The following EP400 variants were observed in gnomAD, a reference collection of about 807,000 sequenced individuals.
EP400 encodes the protein E1A-binding protein p400.
Under a neutral mutation model 354.1 loss-of-function variants are expected in EP400, and 105 were observed. The observed-to-expected ratio is 0.30, with a 90% CI of 0.25 to 0.35. EP400 has a LOEUF of 0.35. Ranked by LOEUF, EP400 falls within the 10% of genes least tolerant of loss-of-function variation. The probability of loss-of-function intolerance (pLI) is 1.00; values close to 1 mark genes in which losing one functional copy is unlikely to be tolerated. For synonymous variants in EP400, 1,646 were observed against 1,716.9 expected (o/e 0.96, Z 1.02); for missense variants, 3,280 against 4,121.0 (o/e 0.80, Z 5.59).
chr12:132,074,744 A>C (rs369428797), intron 51 of EP400, among the ~76,000 whole-genome samples: 1 of 152,192 alleles, frequency 6.6e-6, no homozygotes, highest in African/African-American at 2.4e-5. Flanking sequence ...TGGTTAAGTC[A>C]AATCTGCTTC....
chr12:132,003,987 A>C (rs1452155845), intron 12 of EP400, among the ~76,000 whole-genome samples: 1 of 152,230 alleles, frequency 6.6e-6, no homozygotes, highest in Non-Finnish European at 1.5e-5. Context: ...ACATATCACA[A>C]GTACACAGCC....
At chr12:131,984,620 G>C (rs1332833008) in intron 5 of EP400, among the ~76,000 whole-genome samples, 1 of 152,160 alleles carries the variant, frequency 6.6e-6, no homozygotes, top group East Asian at 1.9e-4. Context: ...ACTTAAAGCA[G>C]CTCCGTGGTT....
At chr12:132,031,111 T>TTAG in intron 29 of EP400, 1 of 429,684 alleles carries the variant, frequency 2.3e-6, no homozygotes, top group African/African-American at 2.0e-5. Flanking sequence ...TGGTCAGTGA[T>TTAG]TAGGTTTCGT....
At chr12:131,959,155 A>C (rs1464326418) in intron 1 of EP400, among the ~76,000 whole-genome samples, 13 of 152,226 alleles carry the variant, frequency 8.5e-5, no homozygotes, top group Admixed American at 7.2e-4. Flanking sequence ...CCAAGAGTCC[A>C]TCTGCTTCCC....
Position 132,067,409 on chromosome 12 carries a change from C to T in EP400, c.8797C>T (p.Leu2933=). Residue 2933 remains leucine, a synonymous_variant, in exon 50 of 53, where the codon CTG becomes TTG. Coordinates refer to ENST00000389561, the MANE Select transcript of EP400 (RefSeq NM_015409.5). This position sits in a 1 kb window ranked among gnomAD's most constrained non-coding sequence, Gnocchi z 5.3. ...QPVHMQQLLK[L]KQQAVQQQKA... ...CGTGCACATGCAGCAGCTGCTGAAG[C>T]TGAAGCAGCAGGCCGTCCAGCAGCA... 1 of 1,613,568 alleles carries T rather than the reference C, an allele frequency of 6.2e-7. No individual in the cohort carries two copies.
chr12:132,014,220 C>T (rs1893851414), intron 19 of EP400, among the ~76,000 whole-genome samples: 1 of 152,204 alleles, frequency 6.6e-6, no homozygotes, highest in African/African-American at 2.4e-5. Flanking sequence ...TTTTAGTTTC[C>T]ATTCATCCGG....
rs185763449 is a variant in EP400 at position 131,974,499 on chromosome 12, C to T, written c.1336-5195C>T. ...CAACTACTATTGGTCTTAATTTCTA[C>T]CTTCAGAATACCATCAATCTGTCCT... On this transcript the variant is annotated intron_variant, in intron 2 of 52. Coordinates refer to ENST00000389561, the MANE Select transcript of EP400 (RefSeq NM_015409.5). 1.8e-3 allele frequency among the ~76,000 whole-genome samples: 276 copies of T among 152,206 alleles called. 2 individuals carry two copies. The highest frequency in any genetic ancestry group is 3.3e-3 in the Non-Finnish European group (225 of 68,010).
chr12:132,055,000 T>G lies in EP400; in HGVS notation c.7755T>G (p.Thr2585=), dbSNP rs115940508. 4,295 of 1,613,988 alleles carry G rather than the reference T, an allele frequency of 2.7e-3. 86 individuals are homozygous for G. In the African/African-American group the frequency reaches 0.048, roughly 18 times the overall value. ...CAGGAACCATTAAAACATCAGTTAC[T>G]GGGACGAGCATGCCCACTGGTAAGA... The part of the protein sequence containing the change: ...VLAGTIKTSV[T]GTSMPTGAVS... Residue 2585 remains threonine (T), a synonymous_variant, in exon 44 of 53, where the codon ACT becomes ACG. Transcript: ENST00000389561. This position sits in a 1 kb window ranked among gnomAD's most constrained non-coding sequence, Gnocchi z 4.0.
chr12:132,036,644 A>G (rs1593364429), intron 30 of EP400, among the ~76,000 whole-genome samples: 1 of 152,276 alleles, frequency 6.6e-6, no homozygotes, highest in Admixed American at 6.5e-5. Context: ...GTGGGTGGAA[A>G]TGCCATCCCC....
chr12:132,023,299 A>ATT (rs767816284), intron 23 of EP400, among the ~76,000 whole-genome samples: 2,156 of 70,914 alleles, frequency 0.03, 331 homozygotes, highest in African/African-American at 0.11. Context: ...TGCCCAGCTA[A>ATT]TTTTTTTTTT....
Position 132,013,414 on chromosome 12 carries a change from C to T in EP400, c.3612-76C>T, listed in dbSNP as rs1480960001. On this transcript the variant is annotated intron_variant, in intron 17 of 52. Transcript: ENST00000389561. This position sits in a 1 kb window ranked among gnomAD's most constrained non-coding sequence, Gnocchi z 4.5. The stretch of plus-strand genomic sequence containing the variant: ...TCAAATTACTGTCCCTTTTCTCACA[C>T]ATTGTCAGAGAAGATGCTGCTGCAG... 2.7e-6 allele frequency: 4 copies of T among 1,492,998 alleles called. No individual in the cohort carries two copies. The highest frequency in any genetic ancestry group is 3.6e-6 in the Non-Finnish European group (4 of 1,114,190). The allele number at this position is 1,492,998 out of a possible 1,614,324, so 92.5% of individuals were successfully genotyped here.
intron 30 of EP400, among the ~76,000 whole-genome samples, chr12:132,034,740 A>T (rs1894636910): frequency 6.6e-6 from 1 of 152,112 alleles, no homozygotes; most frequent in African/African-American, 2.4e-5. Flanking sequence ...GAGTGAGAGG[A>T]GGGGCTTGGA....
At chr12:132,034,679 G>T (rs1894634182) in intron 30 of EP400, among the ~76,000 whole-genome samples, 1 of 152,242 alleles carries the variant, frequency 6.6e-6, no homozygotes, top group Admixed American at 6.5e-5. Context: ...GGCTGTCGCA[G>T]TAACTGGAGG....
intron 25 of EP400, among the ~76,000 whole-genome samples, chr12:132,026,100 C>A (rs149338316): frequency 2.0e-5 from 3 of 152,148 alleles, no homozygotes; most frequent in Admixed American, 2.0e-4. Flanking sequence ...GTTTGTATAT[C>A]GCCAGTGTGC....
At chr12:131,960,537 A>G in intron 1 of EP400, 48 bp from the exon 2 acceptor site, 1 of 1,473,658 alleles carries the variant, frequency 6.8e-7, no homozygotes, top group Non-Finnish European at 9.1e-7. Context: ...TGTCAATAAA[A>G]CAGTTATGTG....
Position 132,067,087 on chromosome 12 carries a change from C to A in EP400, c.8749+118C>A, listed in dbSNP as rs1293350025. ...CCTCACACCCACCCACTTGAGCGTG[C>A]CATCACGTGTTCTAGCACAAACGTG... On this transcript the variant is annotated intron_variant, in intron 49 of 52. Transcript: ENST00000389561. This position sits in a 1 kb window ranked among gnomAD's most constrained non-coding sequence, Gnocchi z 5.3. The A allele has an allele frequency of 1.5e-6, 2 of 1,317,172 alleles. No individual in the cohort carries two copies. The highest frequency in any genetic ancestry group is 1.5e-5 in the African/African-American group (1 of 66,954). 81.6% of individuals were successfully genotyped at this position (1,317,172 alleles called of 1,614,324 possible). A position where few individuals can be genotyped will look rare whatever the true frequency, so the allele number is the denominator to read the frequency against.
intron 1 of EP400, among the ~76,000 whole-genome samples, chr12:131,956,039 C>T (rs1265882075): frequency 6.6e-6 from 1 of 152,208 alleles, no homozygotes; most frequent in African/African-American, 2.4e-5. Context: ...TTTCCTCATG[C>T]ATCTCTCTAG....
chr12:132,048,706 A>G (rs61944620), intron 39 of EP400, among the ~76,000 whole-genome samples: 19,062 of 151,886 alleles, frequency 0.13, 1,633 homozygotes, highest in African/African-American at 0.24. Context: ...TATTTTTAGT[A>G]GAGGCATGTC....
At chr12:131,958,015 T>G (rs1891760917) in intron 1 of EP400, among the ~76,000 whole-genome samples, 1 of 152,256 alleles carries the variant, frequency 6.6e-6, no homozygotes, top group African/African-American at 2.4e-5. Flanking sequence ...CCTGGTTTTC[T>G]GAATTACTAT....
Sources: gnomAD v4.1 joint callset for allele counts (sites outside exome capture counted in the v4.1 genomes callset) on GRCh38, gnomAD v4.1.1 for gene constraint, Gnocchi (gnomAD v3.1) non-coding constraint, MANE v1.5 for transcripts, NCBI Gene and HGNC (gene_info 2026-07-23, HGNC 2026-07-21) for gene names.